LARP4: variants seen among roughly 807,000 people sequenced by gnomAD.
The protein encoded by LARP4 is la-related protein 4.
In LARP4, 29 loss-of-function variants were observed where a neutral mutation model predicts 92.9. The observed-to-expected ratio is 0.31, with a 90% CI of 0.23 to 0.43. LARP4 has a LOEUF of 0.43. LARP4 is among the 20% of genes least tolerant of loss of function. The pLI, the probability that LARP4 is intolerant of heterozygous loss-of-function variation, is 1.00. For synonymous variants in LARP4, 279 were observed against 284.1 expected (o/e 0.98, Z 0.18); for missense variants, 732 against 860.0 (o/e 0.85, Z 1.86).
At chr12:50,474,369 C>CTT (rs2139203803) in intron 15 of LARP4, among the ~76,000 whole-genome samples, 1 of 152,134 alleles carries the variant, frequency 6.6e-6, no homozygotes, top group South Asian at 2.1e-4. Context: ...GTTTTGGAGA[C>CTT]TGAGTCTTCA....
chr12:50,425,457 T>C (rs1948564881), intron 1 of LARP4, among the ~76,000 whole-genome samples: 1 of 152,238 alleles, frequency 6.6e-6, no homozygotes, highest in Admixed American at 6.5e-5. Context: ...TGTAAATACA[T>C]GCATTTTCTC....
At chr12:50,453,106 G>T (rs1593263621) in intron 8 of LARP4, among the ~76,000 whole-genome samples, 1 of 150,134 alleles carries the variant, frequency 6.7e-6, no homozygotes, top group African/African-American at 2.5e-5. Context: ...GTAAGGGATG[G>T]GTCTCACTGT....
intron 10 of LARP4, among the ~76,000 whole-genome samples, chr12:50,457,266 G>A (rs1480804609): frequency 6.7e-6 from 1 of 148,488 alleles, no homozygotes; most frequent in African/African-American, 2.5e-5. Context: ...GAGTGCAATG[G>A]CGGGATCTCG....
In LARP4 at chr12:50,467,447, T is replaced by A. The variant is rs541985027; in HGVS notation, c.1545+327T>A. ...CTGGGAGTACAGGCATGCGCAACCA[T>A]GCCCAGCTAACTTTTGTATTTTTGT... On this transcript the variant is annotated intron_variant, in intron 13 of 15. Transcript: ENST00000398473. Among the ~76,000 whole-genome samples, 193 of 152,006 alleles carry A rather than the reference T, an allele frequency of 1.3e-3. No homozygotes were observed. The Middle Eastern group carries it at 0.017, about 14-fold the overall frequency.
intron 13 of LARP4, among the ~76,000 whole-genome samples, chr12:50,468,554 C>T (rs1332912733): frequency 7.9e-5 from 12 of 152,120 alleles, no homozygotes; most frequent in Non-Finnish European, 1.5e-5. Context: ...GTCTCGGCCT[C>T]CCAAAGTGCT....
chr12:50,452,911 CTTG>C (rs775635228), intron 8 of LARP4, among the ~76,000 whole-genome samples: 9 of 151,592 alleles, frequency 5.9e-5, no homozygotes, highest in East Asian at 1.9e-4. Flanking sequence ...TTTTACTCTG[CTTG>C]TTGTTGTTGT....
At chr12:50,459,268 G>A (rs1173115072) in intron 10 of LARP4, among the ~76,000 whole-genome samples, 2 of 152,056 alleles carry the variant, frequency 1.3e-5, no homozygotes, top group African/African-American at 4.8e-5. Context: ...CAAAGTTCTG[G>A]GATTACAGGC....
intron 1 of LARP4, among the ~76,000 whole-genome samples, chr12:50,411,942 C>T (rs1295878383): frequency 6.6e-6 from 1 of 152,166 alleles, no homozygotes; most frequent in East Asian, 1.9e-4. Context: ...CTTGGCCTCC[C>T]AAAGTGCTGG....
At chr12:50,437,373 G>A (rs975464667) in intron 5 of LARP4, among the ~76,000 whole-genome samples, 2 of 151,574 alleles carry the variant, frequency 1.3e-5, no homozygotes, top group East Asian at 1.9e-4. Flanking sequence ...GCCAATGAAA[G>A]TACACTAATT....
chr12:50,464,405 A>G (rs1425513672), intron 12 of LARP4, among the ~76,000 whole-genome samples: 2 of 152,210 alleles, frequency 1.3e-5, no homozygotes, highest in African/African-American at 2.4e-5. Flanking sequence ...TTTAGGGTAT[A>G]CTAAATCTTT....
intron 1 of LARP4, among the ~76,000 whole-genome samples, chr12:50,402,341 A>G (rs1334841360): frequency 6.6e-6 from 1 of 152,150 alleles, no homozygotes; most frequent in Non-Finnish European, 1.5e-5. Context: ...TCATGAAAAG[A>G]CTTAAAATTA....
chr12:50,466,268 A>AT (rs1472143853), intron 12 of LARP4, among the ~76,000 whole-genome samples: 1 of 152,090 alleles, frequency 6.6e-6, no homozygotes, highest in African/African-American at 2.4e-5. Context: ...GATTTTTCAT[A>AT]TATGTTATAT....
intron 12 of LARP4, among the ~76,000 whole-genome samples, chr12:50,466,533 G>A (rs1956171886): frequency 6.6e-6 from 1 of 152,102 alleles, no homozygotes; most frequent in Admixed American, 6.6e-5. Flanking sequence ...AGGATTACTT[G>A]AGTCCAGGAA....
At chr12:50,450,173 G>T (rs1004602016) in intron 8 of LARP4, among the ~76,000 whole-genome samples, 1 of 151,668 alleles carries the variant, frequency 6.6e-6, no homozygotes, top group African/African-American at 2.4e-5. Context: ...CTCGTGATCC[G>T]CCCGCCTCAG....
At position 50,475,546 on chromosome 12, in the gene LARP4, T is replaced by C. The variant is rs778673261; in HGVS notation, c.1857T>C (p.Tyr619=). 1.2e-6 allele frequency: 2 copies of C among 1,613,266 alleles called. No homozygotes were observed. The highest frequency in any genetic ancestry group is 1.3e-5 in the African/African-American group (1 of 74,966). The change falls in exon 16 of 16, where the codon TAT becomes TAC. Residue 619 remains tyrosine, a synonymous_variant. Transcript: ENST00000398473. ...VALQEPRKLS[Y]AEVCQKPPKE... is the part of the protein sequence containing the mutation. ...CAAAGGAACCCCGAAAGTTAAGTTA[T>C]GCTGAAGTGTGCCAGAAGCCCCCTA...
chr12:50,435,429 C>A, intron 4 of LARP4, 59 bp from the exon 5 acceptor site: 2 of 1,005,424 alleles, frequency 2.0e-6, no homozygotes, highest in Non-Finnish European at 3.1e-6. Flanking sequence ...GAGTAAGATA[C>A]CTCTTGTTAG....
chr12:50,408,820 G>A (rs12367373), intron 1 of LARP4, among the ~76,000 whole-genome samples: 149,340 of 152,230 alleles, frequency 0.98, 73,313 homozygotes, highest in East Asian at 1. Context: ...CATAATGCAC[G>A]TAAGTGGGTA....
At chr12:50,438,733 C>T (rs574758068) in intron 6 of LARP4, among the ~76,000 whole-genome samples, 7 of 152,242 alleles carry the variant, frequency 4.6e-5, no homozygotes, top group South Asian at 2.1e-4. Flanking sequence ...AGGATGGTTA[C>T]GTAGCTTGCT....
In LARP4 at chr12:50,400,949, G is replaced by A. The variant is rs1009745641; in HGVS notation, c.-62G>A. 12 of 1,611,922 alleles carry A rather than the reference G, an allele frequency of 7.4e-6. No homozygotes were observed. The highest frequency in any genetic ancestry group is 1.3e-5 in the African/African-American group (1 of 74,866). Reference sequence around the variant, plus strand: ...GTGTCCTTATCCTAGCAATTGGGGCGCGGGCCTGTGAGCCAGTTGGAGTTG... The same window carrying A: ...GTGTCCTTATCCTAGCAATTGGGGCACGGGCCTGTGAGCCAGTTGGAGTTG... On this transcript the variant is annotated 5_prime_UTR_variant, in exon 1 of 16. Coordinates refer to ENST00000398473, the MANE Select transcript of LARP4 (RefSeq NM_052879.5).
Sources: allele counts gnomAD v4.1 joint callset (sites outside exome capture counted in the v4.1 genomes callset), GRCh38; gene constraint gnomAD v4.1.1; transcripts MANE v1.5; gene names NCBI Gene and HGNC (gene_info 2026-07-23, HGNC 2026-07-21).